PKIA: variants seen among roughly 807,000 people sequenced by gnomAD.
PKIA encodes cAMP-dependent protein kinase inhibitor alpha, also known as PKI-alpha.
A neutral mutation model predicts 7.6 loss-of-function variants in PKIA; 4 were observed. The ratio of observed to expected loss-of-function variants is 0.52; its 90% confidence interval spans 0.26 to 1.20. PKIA has a LOEUF of 1.20. Among genes scored for constraint, PKIA ranks in the 50% most tolerant of loss-of-function variants. The pLI, the probability that PKIA is intolerant of heterozygous loss-of-function variation, is 0.13. For synonymous variants in PKIA, 21 were observed against 30.7 expected (o/e 0.68, Z 1.04); for missense variants, 73 against 86.2 (o/e 0.85, Z 0.61).
chr8:78,575,579 T>C (rs1470783084), intron 2 of PKIA, among the ~76,000 whole-genome samples: 1 of 152,060 alleles, frequency 6.6e-6, no homozygotes, highest in Non-Finnish European at 1.5e-5. Flanking sequence ...TTTATGAGCA[T>C]GTATTTTAAT....
chr8:78,600,536 T>C (rs1808328853), intron 3 of PKIA, among the ~76,000 whole-genome samples: 1 of 152,058 alleles, frequency 6.6e-6, no homozygotes, highest in Non-Finnish European at 1.5e-5. Context: ...CTGTCTTACA[T>C]ATGCCCTAAT....
intron 1 of PKIA, among the ~76,000 whole-genome samples, chr8:78,550,695 T>C (rs1017693990): frequency 4.6e-5 from 7 of 152,034 alleles, no homozygotes; most frequent in Non-Finnish European, 7.4e-5. Context: ...TGGGAGAACA[T>C]GTGGTATTTG....
intron 1 of PKIA, among the ~76,000 whole-genome samples, chr8:78,570,739 C>T (rs1807526342): frequency 6.6e-6 from 1 of 152,048 alleles, no homozygotes. Flanking sequence ...TCTTTTTTTA[C>T]ACCCCTCTAA....
chr8:78,530,700 T>C (rs1806367755), intron 1 of PKIA, among the ~76,000 whole-genome samples: 1 of 152,102 alleles, frequency 6.6e-6, no homozygotes, highest in Non-Finnish European at 1.5e-5. Flanking sequence ...TTGTATCATT[T>C]GATTATACAC....
At chr8:78,588,554 TGTGAAAAGACTATTGCAAGA>T (rs1294628489) in intron 2 of PKIA, among the ~76,000 whole-genome samples, 1 of 152,118 alleles carries the variant, frequency 6.6e-6, no homozygotes, top group East Asian at 1.9e-4. Context: ...GGATGACTAT[TGTGAAAAGACTATTGCAAGA>T]GTGAATAATT....
At chr8:78,572,299 C>G (rs1807568113) in intron 1 of PKIA, among the ~76,000 whole-genome samples, 1 of 150,960 alleles carries the variant, frequency 6.6e-6, no homozygotes, top group Non-Finnish European at 1.5e-5. Flanking sequence ...AACGCTTGAA[C>G]AGACATTAAA....
rs1808419871 is a variant in PKIA at position 78,604,159 on chromosome 8, A to C, written c.*2338A>C. On this transcript the variant is annotated 3_prime_UTR_variant, in exon 4 of 4. Coordinates refer to ENST00000396418, the MANE Select transcript of PKIA (RefSeq NM_006823.4). The stretch of plus-strand genomic sequence containing the variant: ...ATTTTTAAGGAGAGAAGGAAAGGGT[A>C]GGAAACCAGGGCCTTGGGTTTAGTA... 6.6e-6 allele frequency: 1 copy of C among 152,026 alleles called. No individual in the cohort carries two copies. The highest frequency in any genetic ancestry group is 1.5e-5 in the Non-Finnish European group (1 of 67,942). The allele number at this position is 152,026 out of a possible 1,614,324, so 9.4% of individuals were successfully genotyped here. A position where few individuals can be genotyped will look rare whatever the true frequency, so the allele number is the denominator to read the frequency against.
chr8:78,525,836 T>TA (rs1210027950), intron 1 of PKIA, among the ~76,000 whole-genome samples: 7 of 152,034 alleles, frequency 4.6e-5, no homozygotes, highest in African/African-American at 1.4e-4. Context: ...GGCTACCACT[T>TA]ATGTCTAGAT....
intron 1 of PKIA, among the ~76,000 whole-genome samples, chr8:78,541,032 AGTT>A (rs1043224638): frequency 5.9e-5 from 9 of 152,106 alleles, no homozygotes; most frequent in Admixed American, 2.0e-4. Flanking sequence ...ATTTTAAAAC[AGTT>A]GTTACCTTCT....
chr8:78,597,542 C>T (rs1219626356), intron 2 of PKIA, among the ~76,000 whole-genome samples: 6 of 152,120 alleles, frequency 3.9e-5, no homozygotes. Flanking sequence ...ACAATGCTCT[C>T]ACTTAGTGCT....
intron 2 of PKIA, among the ~76,000 whole-genome samples, chr8:78,585,415 T>C (rs1335520380): frequency 6.6e-6 from 1 of 152,122 alleles, no homozygotes; most frequent in Admixed American, 6.6e-5. Context: ...AAATAACTTA[T>C]AACAGTGTCA....
chr8:78,525,081 TA>T (rs1193920892), intron 1 of PKIA, among the ~76,000 whole-genome samples: 1 of 151,668 alleles, frequency 6.6e-6, no homozygotes, highest in Non-Finnish European at 1.5e-5. Context: ...TGGGGTATTA[TA>T]AGTTGGAAAT....
chr8:78,598,517 C>T lies in PKIA; in HGVS notation c.133C>T (p.Leu45Phe). The T allele has an allele frequency of 1.2e-5, 19 of 1,609,910 alleles. No individual in the cohort carries two copies. The highest frequency in any genetic ancestry group is 1.5e-5 in the Non-Finnish European group (18 of 1,177,346). Reference sequence around the variant, plus strand: ...TGAATTAGCCTTGAAATTAGCAGGTCTTGATATCAACAAGACAGGTAAGTC... The same window carrying T: ...TGAATTAGCCTTGAAATTAGCAGGTTTTGATATCAACAAGACAGGTAAGTC... ...SNELALKLAG[L>F]DINKTEGEED... is the part of the protein sequence containing the mutation. Residue 45 changes from leucine to phenylalanine, a missense_variant, in exon 3 of 4, where the codon CTT (leucine) becomes TTT (phenylalanine). Physicochemically the swap from Leu to Phe is conservative, Grantham distance 22 (BLOSUM62 0). Transcript: ENST00000396418.
intron 1 of PKIA, among the ~76,000 whole-genome samples, chr8:78,540,324 A>G (rs1806647656): frequency 6.6e-6 from 1 of 152,042 alleles, no homozygotes; most frequent in Admixed American, 6.6e-5. Flanking sequence ...CAAAAGAGAT[A>G]TTGTATAGAT....
intron 2 of PKIA, among the ~76,000 whole-genome samples, chr8:78,582,329 G>A (rs1302458902): frequency 1.3e-5 from 2 of 151,990 alleles, no homozygotes; most frequent in African/African-American, 4.8e-5. Context: ...GAGGCCTCAG[G>A]AAACTTAAAA....
intron 1 of PKIA, among the ~76,000 whole-genome samples, chr8:78,525,000 T>C: frequency 6.6e-6 from 1 of 151,882 alleles, no homozygotes; most frequent in East Asian, 1.9e-4. Context: ...CTTTAGTATA[T>C]GTGGTAGGAG....
intron 2 of PKIA, among the ~76,000 whole-genome samples, chr8:78,580,904 T>C (rs1169646605): frequency 6.6e-6 from 1 of 152,026 alleles, no homozygotes; most frequent in African/African-American, 2.4e-5. Context: ...AACATAGATG[T>C]AAGGTATATA....
At chr8:78,550,957 C>T (rs948690468) in intron 1 of PKIA, among the ~76,000 whole-genome samples, 1 of 152,034 alleles carries the variant, frequency 6.6e-6, no homozygotes, top group Non-Finnish European at 1.5e-5. Context: ...GCCAATGTCA[C>T]AGATTTTATC....
rs1806647027 is a variant in PKIA at position 78,540,278 on chromosome 8, G to A, written c.-157+23810G>A. On this transcript the variant is annotated intron_variant, in intron 1 of 3. Transcript: ENST00000396418. ...CTGCCCCTAGCAAGTATTAGGGAGGGTAAGAACTCTATCTGCTAAGCTTTT... is the reference window on the plus strand; with the variant it reads ...CTGCCCCTAGCAAGTATTAGGGAGGATAAGAACTCTATCTGCTAAGCTTTT... 6.6e-5 allele frequency among the ~76,000 whole-genome samples: 10 copies of A among 152,148 alleles called. No homozygotes were observed. The South Asian group carries it at 1.9e-3, about 28-fold the overall frequency.
Sources: allele counts gnomAD v4.1 joint callset (sites outside exome capture counted in the v4.1 genomes callset), GRCh38; gene constraint gnomAD v4.1.1; transcripts MANE v1.5; gene names NCBI Gene and HGNC (gene_info 2026-07-23, HGNC 2026-07-21).